Variants in CADPS2 observed in about 807,000 individuals in gnomAD.
CADPS2 encodes calcium-dependent secretion activator 2.
Under a neutral mutation model 172.5 loss-of-function variants are expected in CADPS2, and 93 were observed. The ratio of observed to expected loss-of-function variants is 0.54; its 90% CI spans 0.46 to 0.64. The LOEUF is 0.64. Ranked by LOEUF, CADPS2 falls within the 30% of genes least tolerant of loss-of-function variation. The pLI, the probability that CADPS2 is intolerant of heterozygous loss-of-function variation, is 0.00. For missense variants in CADPS2, 1,420 were observed against 1,565.9 expected, an observed-to-expected ratio of 0.91 and a Z score of 1.57; for synonymous variants, 546 against 555.2, an observed-to-expected ratio of 0.98 and a Z score of 0.23.
chr7:122,512,010 C>G, intron 9 of CADPS2, among the ~76,000 whole-genome samples: 1 of 151,970 alleles, frequency 6.6e-6, no homozygotes, highest in East Asian at 1.9e-4. Context: ...CAAATTAAAT[C>G]TGTGTGTGCA....
At chr7:122,388,844 T>A in intron 22 of CADPS2, 106 bp from the exon 23 acceptor site, 2 of 1,033,924 alleles carry the variant, frequency 1.9e-6, no homozygotes, top group Admixed American at 2.9e-5. Context: ...GTGAAAAAAA[T>A]ACCATATAAA....
At chr7:122,673,858 G>A (rs2082118726) in intron 2 of CADPS2, among the ~76,000 whole-genome samples, 1 of 151,542 alleles carries the variant, frequency 6.6e-6, no homozygotes, top group Non-Finnish European at 1.5e-5. Flanking sequence ...GTGCCGTGGA[G>A]CAGGAGGTGG....
intron 20 of CADPS2, among the ~76,000 whole-genome samples, chr7:122,404,064 C>A (rs1299952544): frequency 6.6e-6 from 1 of 151,996 alleles, no homozygotes; most frequent in Non-Finnish European, 1.5e-5. Flanking sequence ...CATATGTATA[C>A]ACGTGCCATG....
At chr7:122,722,511 A>T (rs2090553198) in intron 2 of CADPS2, among the ~76,000 whole-genome samples, 1 of 151,768 alleles carries the variant, frequency 6.6e-6, no homozygotes, top group Non-Finnish European at 1.5e-5. Context: ...CTTCAAGGAG[A>T]ACTACAAACC....
chr7:122,818,817 C>T (rs570521831), intron 1 of CADPS2, among the ~76,000 whole-genome samples: 2 of 152,276 alleles, frequency 1.3e-5, no homozygotes, highest in African/African-American at 2.4e-5. Context: ...CCAAATCAGA[C>T]AGCATTTAGG....
intron 8 of CADPS2, among the ~76,000 whole-genome samples, chr7:122,552,583 G>A (rs187275003): frequency 2.8e-3 from 421 of 152,062 alleles, no homozygotes; most frequent in Admixed American, 3.5e-3. Flanking sequence ...CACCTATCCT[G>A]GAGTATGCTA....
At chr7:122,654,189 C>G (rs1170986007) in intron 3 of CADPS2, among the ~76,000 whole-genome samples, 1 of 152,186 alleles carries the variant, frequency 6.6e-6, no homozygotes, top group Non-Finnish European at 1.5e-5. Context: ...AATAAGCCAT[C>G]TCCATAACAT....
rs770871623 is a variant in CADPS2, at chr7:122,701,875, A to G, written c.453+35080T>C. On this transcript the variant is annotated intron_variant, in intron 2 of 29. Coordinates refer to ENST00000449022, the MANE Select transcript of CADPS2 (RefSeq NM_017954.11). ...CACACTTGCACATGGGACATGTCCT[A>G]TGGGCTAAAAGCCAGGGGTCAATGC... is the stretch of plus-strand genomic sequence containing the variant. 6 of 1,613,148 alleles carry G rather than the reference A, an allele frequency of 3.7e-6. No individual in the cohort carries two copies. In the African/African-American group the frequency reaches 6.7e-5, roughly 18 times the overall value.
chr7:122,574,548 T>TGCTAATA (rs1248010649), intron 7 of CADPS2, among the ~76,000 whole-genome samples: 1 of 145,460 alleles, frequency 6.9e-6, no homozygotes, highest in Non-Finnish European at 1.5e-5. Context: ...AAACAACCAG[T>TGCTAATA]GCTAATAACA....
chr7:122,431,406 T>C (rs1243390741), intron 17 of CADPS2, among the ~76,000 whole-genome samples: 1 of 151,832 alleles, frequency 6.6e-6, no homozygotes, highest in Non-Finnish European at 1.5e-5. Context: ...TGGAAGAAAA[T>C]AAAGCAGGAG....
At chr7:122,669,641 C>T (rs977799847) in intron 2 of CADPS2, among the ~76,000 whole-genome samples, 2 of 151,852 alleles carry the variant, frequency 1.3e-5, no homozygotes, top group South Asian at 2.1e-4. Flanking sequence ...TAGAGGACAA[C>T]GAAAGGCCCA....
intron 1 of CADPS2, among the ~76,000 whole-genome samples, chr7:122,800,259 T>C (rs1797322313): frequency 6.6e-6 from 1 of 152,240 alleles, no homozygotes; most frequent in Admixed American, 6.5e-5. Context: ...TTGATATATG[T>C]AGAATCATAC....
chr7:122,659,559 G>A (rs944424107), intron 3 of CADPS2, among the ~76,000 whole-genome samples: 5 of 151,892 alleles, frequency 3.3e-5, no homozygotes, highest in Non-Finnish European at 7.4e-5. Context: ...GAATAAAGAG[G>A]GGATAGGACA....
chr7:122,721,828 A>G (rs1455852532), intron 2 of CADPS2, among the ~76,000 whole-genome samples: 1 of 152,198 alleles, frequency 6.6e-6, no homozygotes, highest in Non-Finnish European at 1.5e-5. Context: ...CAGCATATCA[A>G]AAAGCTTATC....
intron 2 of CADPS2, among the ~76,000 whole-genome samples, chr7:122,724,462 A>G (rs757411839): frequency 6.6e-6 from 1 of 152,074 alleles, no homozygotes; most frequent in Non-Finnish European, 1.5e-5. Flanking sequence ...AATATAAATT[A>G]AGTGCTGAAT....
At chr7:122,849,586 G>C (rs1250963029) in intron 1 of CADPS2, among the ~76,000 whole-genome samples, 1 of 152,194 alleles carries the variant, frequency 6.6e-6, no homozygotes, top group African/African-American at 2.4e-5. Flanking sequence ...AACAGAGTCT[G>C]TGCGTTAAGG....
At chr7:122,427,810 A>G (rs923454621) in intron 17 of CADPS2, among the ~76,000 whole-genome samples, 2 of 152,176 alleles carry the variant, frequency 1.3e-5, no homozygotes, top group African/African-American at 4.8e-5. Flanking sequence ...TTCTTTAAAA[A>G]ACTAGAATTT....
In CADPS2 at chr7:122,834,520, G is replaced by C. The variant is rs550437325; in HGVS notation, c.339+51479C>G. ...CACCCGGGGAGCACAAGGGGTAAGG[G>C]AATTCCCTTTCCTAGCCAAGGAAAG... On this transcript the variant is annotated intron_variant, in intron 1 of 29. Transcript: ENST00000449022. 5.3e-5 allele frequency among the ~76,000 whole-genome samples: 8 copies of C among 152,288 alleles called. No homozygotes were observed. In the South Asian group the frequency reaches 1.7e-3, roughly 32 times the overall value.
At chr7:122,718,817 C>A (rs1297828109) in intron 2 of CADPS2, among the ~76,000 whole-genome samples, 1 of 152,102 alleles carries the variant, frequency 6.6e-6, no homozygotes, top group African/African-American at 2.4e-5. Flanking sequence ...TATGGGATAA[C>A]AGAGAACAGA....
Sources: gnomAD v4.1 joint callset for allele counts (sites outside exome capture counted in the v4.1 genomes callset) on GRCh38, gnomAD v4.1.1 for gene constraint, MANE v1.5 for transcripts, NCBI Gene and HGNC (gene_info 2026-07-23, HGNC 2026-07-21) for gene names.